LHFPL3: variants seen among roughly 807,000 people sequenced by gnomAD.
LHFPL3 encodes the protein LHFPL tetraspan subfamily member 3, also known as LHFPL tetraspan subfamily member 3 protein.
Under a neutral mutation model 19.3 loss-of-function variants are expected in LHFPL3, and 5 were observed. The observed-to-expected ratio is 0.26, with a 90% CI of 0.14 to 0.54. LHFPL3 has a LOEUF of 0.54. Among genes scored for constraint, LHFPL3 ranks in the 20% least tolerant of loss-of-function variants. The probability of loss-of-function intolerance (pLI) is 0.94; values close to 1 mark genes in which losing one functional copy is unlikely to be tolerated. For synonymous variants in LHFPL3, 133 were observed against 126.2 expected, an observed-to-expected ratio of 1.05 and a Z score of -0.36; for missense variants, 249 against 307.4, an observed-to-expected ratio of 0.81 and a Z score of 1.42.
intron 1 of LHFPL3, among the ~76,000 whole-genome samples, chr7:104,524,267 G>A (rs375567471): frequency 3.3e-5 from 5 of 152,212 alleles, no homozygotes; most frequent in African/African-American, 1.2e-4. Flanking sequence ...ACAAAACCTT[G>A]GAGCTGAAGC....
At chr7:104,779,961 C>A (rs1252092106) in intron 2 of LHFPL3, among the ~76,000 whole-genome samples, 2 of 151,946 alleles carry the variant, frequency 1.3e-5, no homozygotes, top group Non-Finnish European at 2.9e-5. Flanking sequence ...TTGTAATGTG[C>A]CTGTAAGTGA....
At chr7:104,660,664 C>A (rs1483916107) in intron 1 of LHFPL3, among the ~76,000 whole-genome samples, 1 of 152,176 alleles carries the variant, frequency 6.6e-6, no homozygotes, top group Non-Finnish European at 1.5e-5. Context: ...ACTCTCTGGG[C>A]AATGTCATTT....
chr7:104,469,720 G>A (rs1464662370), intron 1 of LHFPL3, among the ~76,000 whole-genome samples: 1 of 152,068 alleles, frequency 6.6e-6, no homozygotes, highest in Non-Finnish European at 1.5e-5. Context: ...ATAACAAATA[G>A]GAAATTTTGT....
chr7:104,786,496 A>C (rs1024552829), intron 2 of LHFPL3: 1 of 152,176 alleles, frequency 6.6e-6, no homozygotes, highest in Admixed American at 6.5e-5. Flanking sequence ...CATAGAATCA[A>C]CTTTCTCAAT....
At chr7:104,775,632 C>T (rs1438181841) in intron 2 of LHFPL3, among the ~76,000 whole-genome samples, 12 of 152,086 alleles carry the variant, frequency 7.9e-5, no homozygotes, top group Admixed American at 2.6e-4. Context: ...CCCTCTCATG[C>T]CAGACTGAAG....
At chr7:104,570,737 G>A (rs1214533231) in intron 1 of LHFPL3, among the ~76,000 whole-genome samples, 4 of 151,876 alleles carry the variant, frequency 2.6e-5, no homozygotes, top group Non-Finnish European at 5.9e-5. Flanking sequence ...TTGTTACGTA[G>A]GTAAACTCAT....
At chr7:104,622,223 G>A (rs927814883) in intron 1 of LHFPL3, among the ~76,000 whole-genome samples, 4 of 151,976 alleles carry the variant, frequency 2.6e-5, no homozygotes, top group African/African-American at 9.7e-5. Context: ...TCCTCTCACC[G>A]CTCAGCCTCC....
chr7:104,452,391 A>G (rs1315795807), intron 1 of LHFPL3, among the ~76,000 whole-genome samples: 1 of 152,132 alleles, frequency 6.6e-6, no homozygotes, highest in Non-Finnish European at 1.5e-5. Flanking sequence ...TTGTAACTCA[A>G]ACCTTTGTTC....
chr7:104,562,675 C>G (rs960674664), intron 1 of LHFPL3, among the ~76,000 whole-genome samples: 23 of 151,998 alleles, frequency 1.5e-4, no homozygotes, highest in African/African-American at 5.3e-4. Flanking sequence ...GCCTTCTTCT[C>G]TCAGCTCCTC....
At chr7:104,409,477 A>G (rs924613722) in intron 1 of LHFPL3, among the ~76,000 whole-genome samples, 3 of 152,076 alleles carry the variant, frequency 2.0e-5, no homozygotes, top group Non-Finnish European at 4.4e-5. Flanking sequence ...TTAGCTGGGC[A>G]TGGTGGTGCA....
At chr7:104,543,838 C>T (rs1334918022) in intron 1 of LHFPL3, among the ~76,000 whole-genome samples, 1 of 150,194 alleles carries the variant, frequency 6.7e-6, no homozygotes, top group Admixed American at 6.6e-5. Context: ...ACGGGTGCAG[C>T]ACACCAACAT....
chr7:104,670,501 C>G (rs1792456775), intron 1 of LHFPL3, among the ~76,000 whole-genome samples: 1 of 152,186 alleles, frequency 6.6e-6, no homozygotes, highest in Non-Finnish European at 1.5e-5. Context: ...GTTCTTCATG[C>G]TACTCTTAAC....
At chr7:104,861,306 G>A (rs555892090) in intron 2 of LHFPL3, among the ~76,000 whole-genome samples, 38 of 152,306 alleles carry the variant, frequency 2.5e-4, no homozygotes, top group Non-Finnish European at 5.0e-4. Flanking sequence ...GGCTTACAGT[G>A]TATATGACCT....
chr7:104,425,056 C>T (rs1371573673), intron 1 of LHFPL3, among the ~76,000 whole-genome samples: 1 of 144,230 alleles, frequency 6.9e-6, no homozygotes, highest in East Asian at 2.1e-4. Flanking sequence ...AAATAGTGAT[C>T]ATACATGGAA....
intron 1 of LHFPL3, among the ~76,000 whole-genome samples, chr7:104,414,633 T>C (rs1443958287): frequency 6.6e-6 from 1 of 152,340 alleles, no homozygotes; most frequent in African/African-American, 2.4e-5. Flanking sequence ...AGAATGTAAA[T>C]TGACTAGAGT....
At chr7:104,812,913 A>G (rs1790500119) in intron 2 of LHFPL3, among the ~76,000 whole-genome samples, 1 of 151,580 alleles carries the variant, frequency 6.6e-6, no homozygotes. Context: ...GGAGTTCAAG[A>G]CCAGCCTGGC....
intron 2 of LHFPL3, among the ~76,000 whole-genome samples, chr7:104,778,946 CATT>C (rs756231241): frequency 3.9e-5 from 6 of 152,184 alleles, no homozygotes; most frequent in African/African-American, 7.2e-5. Flanking sequence ...AAATGGGAGC[CATT>C]ATTATTCTTC....
At chr7:104,464,809 C>T (rs1423519831) in intron 1 of LHFPL3, among the ~76,000 whole-genome samples, 3 of 152,144 alleles carry the variant, frequency 2.0e-5, no homozygotes, top group African/African-American at 7.2e-5. Context: ...AGAGGGGCTG[C>T]TGTGAAGATC....
chr7:104,865,225 G>A (rs1177525598), intron 2 of LHFPL3, among the ~76,000 whole-genome samples: 2 of 152,322 alleles, frequency 1.3e-5, no homozygotes, highest in African/African-American at 4.8e-5. Flanking sequence ...GCTGGATGGG[G>A]AATGACTTTG....
Sources: gnomAD v4.1 joint callset for allele counts (sites outside exome capture counted in the v4.1 genomes callset) on GRCh38, gnomAD v4.1.1 for gene constraint, MANE v1.5 for transcripts, NCBI Gene and HGNC (gene_info 2026-07-23, HGNC 2026-07-21) for gene names.